PKP4: variants seen among roughly 807,000 people sequenced by gnomAD.
PKP4 encodes plakophilin 4.
A neutral mutation model predicts 145.1 loss-of-function variants in PKP4; 90 were observed. The observed-to-expected ratio is 0.62, with a 90% confidence interval of 0.52 to 0.74. The LOEUF (loss-of-function observed/expected upper bound fraction) is 0.74, where lower values mean the gene tolerates loss of function less well. PKP4 is among the 30% of genes least tolerant of loss of function. The pLI, the probability that PKP4 is intolerant of heterozygous loss-of-function variation, is 0.00. For missense variants in PKP4, 1,340 were observed against 1,482.7 expected (o/e 0.90, Z 1.58); for synonymous variants, 563 against 577.2 (o/e 0.98, Z 0.35).
At chr2:158,633,956 G>T (rs868413280) in intron 8 of PKP4, 114 bp from the exon 9 acceptor site, 2 of 622,414 alleles carry the variant, frequency 3.2e-6, no homozygotes, top group Non-Finnish European at 5.7e-6. Context: ...AAAAGTAAGC[G>T]ATTTATATAA....
chr2:158,654,999 A>G (rs938679673), intron 11 of PKP4, among the ~76,000 whole-genome samples: 7 of 152,168 alleles, frequency 4.6e-5, no homozygotes, highest in East Asian at 1.9e-4. Flanking sequence ...CAGCATATAA[A>G]TGTTCATCTT....
intron 1 of PKP4, among the ~76,000 whole-genome samples, chr2:158,496,832 T>C (rs965255023): frequency 6.6e-6 from 1 of 151,584 alleles, no homozygotes; most frequent in Non-Finnish European, 1.5e-5. Context: ...GTCTCTTCTT[T>C]ATCCTCCTGG....
intron 1 of PKP4, among the ~76,000 whole-genome samples, chr2:158,473,042 C>T (rs1281875707): frequency 2.0e-5 from 3 of 152,050 alleles, no homozygotes; most frequent in African/African-American, 7.3e-5. Context: ...ATGTGGTCAA[C>T]AAGCACGTAA....
At chr2:158,624,525 C>T (rs146242995) in intron 6 of PKP4, among the ~76,000 whole-genome samples, 186 of 152,264 alleles carry the variant, frequency 1.2e-3, no homozygotes, top group African/African-American at 4.1e-3. Flanking sequence ...CCTTCACGCT[C>T]ATGAATTACA....
At chr2:158,480,309 T>G (rs1693153891) in intron 1 of PKP4, among the ~76,000 whole-genome samples, 1 of 152,212 alleles carries the variant, frequency 6.6e-6, no homozygotes, top group African/African-American at 2.4e-5. Flanking sequence ...CGATCTCGGC[T>G]CACTGCAACC....
chr2:158,557,932 C>T (rs1559321724), intron 2 of PKP4, among the ~76,000 whole-genome samples: 1 of 152,050 alleles, frequency 6.6e-6, no homozygotes, highest in Admixed American at 6.6e-5. Context: ...AAGAAGAGAC[C>T]CATTAGATAG....
chr2:158,648,648 A>G (rs907551967), intron 11 of PKP4, among the ~76,000 whole-genome samples: 2 of 152,182 alleles, frequency 1.3e-5, no homozygotes, highest in African/African-American at 4.8e-5. Context: ...GAAATCTAGC[A>G]ACATCTCCTC....
intron 1 of PKP4, among the ~76,000 whole-genome samples, chr2:158,468,231 T>C (rs571483079): frequency 7.2e-5 from 11 of 152,356 alleles, no homozygotes; most frequent in African/African-American, 2.2e-4. Context: ...GCCATCTTTA[T>C]CAATGTGTTG....
intron 4 of PKP4, among the ~76,000 whole-genome samples, chr2:158,615,353 C>T (rs1325381773): frequency 6.6e-6 from 1 of 151,998 alleles, no homozygotes; most frequent in African/African-American, 2.4e-5. Context: ...AGCAAGAGCC[C>T]CTCAGCCATT....
chr2:158,467,883 T>G (rs1406872504), intron 1 of PKP4, among the ~76,000 whole-genome samples: 1 of 152,022 alleles, frequency 6.6e-6, no homozygotes, highest in Non-Finnish European at 1.5e-5. Context: ...ATTATATAAA[T>G]AGATTTATAA....
chr2:158,674,634 T>G (rs563259474), intron 19 of PKP4, among the ~76,000 whole-genome samples: 4 of 152,224 alleles, frequency 2.6e-5, no homozygotes, highest in Non-Finnish European at 4.4e-5. Flanking sequence ...TACTACCTAC[T>G]TCTTTGTAAT....
intron 3 of PKP4, among the ~76,000 whole-genome samples, chr2:158,600,809 A>G (rs1036051041): frequency 1.3e-5 from 2 of 152,192 alleles, no homozygotes; most frequent in Non-Finnish European, 2.9e-5. Context: ...TAATTTCATT[A>G]TTAGCTTGTT....
chr2:158,460,274 G>C (rs1218588331), intron 1 of PKP4, among the ~76,000 whole-genome samples: 1 of 152,112 alleles, frequency 6.6e-6, no homozygotes, highest in African/African-American at 2.4e-5. Context: ...GTTCTGACAT[G>C]ATATGAATTT....
intron 3 of PKP4, among the ~76,000 whole-genome samples, chr2:158,582,971 T>A (rs1311626372): frequency 6.6e-6 from 1 of 152,194 alleles, no homozygotes; most frequent in Non-Finnish European, 1.5e-5. Flanking sequence ...AGATGTGAGA[T>A]GGCTTGTGTT....
intron 3 of PKP4, among the ~76,000 whole-genome samples, chr2:158,577,767 CTT>C (rs1433305165): frequency 6.6e-6 from 1 of 152,062 alleles, no homozygotes; most frequent in African/African-American, 2.4e-5. Context: ...ATTGCATTAA[CTT>C]TAAAAATGTC....
At chr2:158,600,007 A>T (rs1445828359) in intron 3 of PKP4, among the ~76,000 whole-genome samples, 1 of 152,210 alleles carries the variant, frequency 6.6e-6, no homozygotes, top group Admixed American at 6.5e-5. Flanking sequence ...GAATGAAAAA[A>T]ATTAATTTCA....
chr2:158,667,044 C>T (rs893393707), intron 16 of PKP4, among the ~76,000 whole-genome samples: 1 of 152,066 alleles, frequency 6.6e-6, no homozygotes, highest in African/African-American at 2.4e-5. Flanking sequence ...CCACCCTGGG[C>T]AGGGGCAGGA....
rs576256423 is a variant in PKP4, at chr2:158,663,003, G to A, written c.2318G>A (p.Gly773Glu). Reference protein sequence around the residue: ...LGLNELDDLLGKESPSKDSEP... With the variant: ...LGLNELDDLLEKESPSKDSEP... ...CTGAACGAATTGGATGACTTACTAG[G>A]AAAAGAGTCTCCCAGCAAAGACTCT... is the stretch of plus-strand genomic sequence containing the variant. Residue 773 changes from glycine (G) to glutamate (E), a missense_variant, in exon 14 of 22, where the codon GGA (glycine) becomes GAA (glutamate). By Grantham distance (98) the Gly-to-Glu change is moderately conservative. Transcript: ENST00000389759. 2.5e-6 allele frequency: 4 copies of A among 1,613,884 alleles called. No individual in the cohort carries two copies. The highest frequency in any genetic ancestry group is 3.4e-6 in the Non-Finnish European group (4 of 1,179,996).
At chr2:158,639,747 C>A (rs1169498645) in intron 9 of PKP4, among the ~76,000 whole-genome samples, 1 of 152,088 alleles carries the variant, frequency 6.6e-6, no homozygotes, top group Non-Finnish European at 1.5e-5. Context: ...ATATACATAG[C>A]ATGATTATGT....
Sources: allele counts gnomAD v4.1 joint callset (sites outside exome capture counted in the v4.1 genomes callset), GRCh38; gene constraint gnomAD v4.1.1; transcripts MANE v1.5; gene names NCBI Gene and HGNC (gene_info 2026-07-23, HGNC 2026-07-21).